Variants in STK3 observed in about 807,000 individuals in gnomAD.
The protein encoded by STK3 is serine/threonine-protein kinase 3.
Under a neutral mutation model 58.0 loss-of-function variants are expected in STK3, and 41 were observed. The ratio of observed to expected loss-of-function variants is 0.71; its 90% confidence interval spans 0.55 to 0.92. The LOEUF (loss-of-function observed/expected upper bound fraction) is 0.92. Among genes scored for constraint, STK3 ranks in the 40% least tolerant of loss-of-function variants. STK3 has a pLI of 0.00. For synonymous variants in STK3, 170 were observed against 191.0 expected (o/e 0.89, Z 0.91); for missense variants, 479 against 602.7 (o/e 0.79, Z 2.15).
intron 1 of STK3, among the ~76,000 whole-genome samples, chr8:98,935,718 C>T (rs1840170075): frequency 6.6e-6 from 1 of 152,054 alleles, no homozygotes; most frequent in African/African-American, 2.4e-5. Context: ...TTTGTTCCAA[C>T]AGCTTAAATT....
chr8:98,611,767 T>C (rs1817217397), intron 6 of STK3, among the ~76,000 whole-genome samples: 1 of 152,114 alleles, frequency 6.6e-6, no homozygotes, highest in African/African-American at 2.4e-5. Context: ...GAATCTGGTG[T>C]TGTCTAGGCC....
intron 4 of STK3, among the ~76,000 whole-genome samples, chr8:98,734,643 TCA>T (rs1339336791): frequency 8.5e-5 from 13 of 152,192 alleles, no homozygotes; most frequent in Admixed American, 2.6e-4. Flanking sequence ...AGCTTCAATT[TCA>T]CAGAGTTATG....
At chr8:98,423,853 ACAGT>A (rs1818198821) in intron 3 of STK3, among the ~76,000 whole-genome samples, 1 of 152,170 alleles carries the variant, frequency 6.6e-6, no homozygotes, top group South Asian at 2.1e-4. Context: ...GGCAGAGATA[ACAGT>A]CGGCCAGGTG....
intron 10 of STK3, among the ~76,000 whole-genome samples, chr8:98,483,312 A>G (rs995818543): frequency 6.6e-6 from 1 of 152,244 alleles, no homozygotes; most frequent in Non-Finnish European, 1.5e-5. Flanking sequence ...ATTTTGGATT[A>G]GTGATGTCAC....
chr8:98,406,272 TTTATTTTATTTTATTTTATG>T (rs1563594140), intron 3 of STK3, among the ~76,000 whole-genome samples: 3 of 104,706 alleles, frequency 2.9e-5, no homozygotes, highest in South Asian at 2.9e-4. Flanking sequence ...TTTATTTTAT[TTTATTTTATTTTATTTTATG>T]TTATTTATTT....
chr8:98,828,437 C>CAAAAAAAAAAAAAAA (rs367737626), upstream of STK3, among the ~76,000 whole-genome samples: 4 of 48,586 alleles, frequency 8.2e-5, no homozygotes, highest in Non-Finnish European at 1.1e-4. Flanking sequence ...CCCATCTCTA[C>CAAAAAAAAAAAAAAA]AAAAAAAAAA....
In STK3 at chr8:98,800,099, G is replaced by A. The variant is rs960388345; in HGVS notation, c.27-25280C>T. Among the ~76,000 whole-genome samples the A allele has an allele frequency of 2.0e-5, 3 of 152,120 alleles. No homozygotes were observed. The highest frequency in any genetic ancestry group is 6.5e-5 in the Admixed American group (1 of 15,270). Reference sequence around the variant, plus strand: ...GCAACATGGCTTCTCCCCTTTCTAGGTCCCGTGGCAGCCATCTTGCCGCTA... The same window carrying A: ...GCAACATGGCTTCTCCCCTTTCTAGATCCCGTGGCAGCCATCTTGCCGCTA... On this transcript the variant is annotated intron_variant, in intron 1 of 10. Transcript: ENST00000419617. The surrounding 1 kb of genome is among the most constrained non-coding windows in gnomAD (Gnocchi z 4.8).
At chr8:98,400,320 A>G (rs1817930649), downstream of STK3, among the ~76,000 whole-genome samples, 1 of 152,228 alleles carries the variant, frequency 6.6e-6, no homozygotes, top group Admixed American at 6.5e-5. Context: ...AGAGCAAGGC[A>G]ACAGATTCCC....
At chr8:98,794,085 C>G (rs891807118) in intron 1 of STK3, among the ~76,000 whole-genome samples, 1 of 151,984 alleles carries the variant, frequency 6.6e-6, no homozygotes, top group African/African-American at 2.4e-5. Flanking sequence ...CTCAAAAAAT[C>G]AGAAAAATCT....
chr8:98,611,229 C>CA (rs1817168387), intron 6 of STK3, among the ~76,000 whole-genome samples: 1 of 151,436 alleles, frequency 6.6e-6, no homozygotes, highest in African/African-American at 2.4e-5. Context: ...ATCAATTTCA[C>CA]AAAAATCTAT....
intron 1 of STK3, among the ~76,000 whole-genome samples, chr8:98,440,836 C>T (rs767352110): frequency 1.3e-5 from 2 of 152,134 alleles, no homozygotes; most frequent in Admixed American, 6.5e-5. Context: ...CATGAGGAAT[C>T]GGAAGCACAG....
At chr8:98,501,307 C>CTT (rs1823576283) in intron 10 of STK3, among the ~76,000 whole-genome samples, 1 of 151,920 alleles carries the variant, frequency 6.6e-6, no homozygotes, top group African/African-American at 2.4e-5. Context: ...GGTATCAGCC[C>CTT]TTTGTCAGAT....
intron 3 of STK3, among the ~76,000 whole-genome samples, chr8:98,854,510 T>C (rs1416087324): frequency 6.6e-5 from 10 of 152,084 alleles, no homozygotes; most frequent in Admixed American, 6.6e-4. Flanking sequence ...AAATTACAGT[T>C]AACAAATGAA....
chr8:98,827,684 T>C (rs1435625582), upstream of STK3, among the ~76,000 whole-genome samples: 4 of 152,132 alleles, frequency 2.6e-5, no homozygotes, highest in Non-Finnish European at 5.9e-5. Context: ...TGAGACAGGT[T>C]CTCACTGTTC....
Position 98,651,998 on chromosome 8 carries a change from C to T in STK3, c.684+54469G>A, listed in dbSNP as rs1587163697. On this transcript the variant is annotated intron_variant, in intron 6 of 10. Coordinates refer to ENST00000419617, the MANE Select transcript of STK3 (RefSeq NM_006281.4). ...TACAGAGAACGCCACAAAGATACTCCTCGAGAAGAGCAACTCCAAGACACA... is the reference window on the plus strand; with the variant it reads ...TACAGAGAACGCCACAAAGATACTCTTCGAGAAGAGCAACTCCAAGACACA... Among the ~76,000 whole-genome samples the T allele has an allele frequency of 2.0e-5, 3 of 152,020 alleles. No homozygotes were observed. The South Asian group carries it at 6.2e-4, about 32-fold the overall frequency.
At chr8:98,690,585 T>C (rs779619539) in intron 6 of STK3, among the ~76,000 whole-genome samples, 1 of 152,022 alleles carries the variant, frequency 6.6e-6, no homozygotes, top group Non-Finnish European at 1.5e-5. Flanking sequence ...CGTTCCCAGG[T>C]TGGAAGAATC....
At position 98,904,040 on chromosome 8, in the gene STK3, T is replaced by C. The variant is rs1435943918; in HGVS notation, c.-78-20206A>G. On this transcript the variant is annotated intron_variant, in intron 1 of 1. Coordinates refer to the STK3 transcript ENST00000519420. ...GAAATGTTTATTTGTCAAAAAATTA[T>C]TTAAAAATGGGAGGAGTGGAGTAAA... Among the ~76,000 whole-genome samples the C allele has an allele frequency of 7.2e-5, 11 of 152,212 alleles. No homozygotes were observed. In the East Asian group the frequency reaches 7.7e-4, roughly 11 times the overall value.
In STK3 at chr8:98,377,090, C is replaced by T. The variant is rs527660559; in HGVS notation, n.111+2063G>A. Among the ~76,000 whole-genome samples, 11 of 152,282 alleles carry T rather than the reference C, an allele frequency of 7.2e-5. No individual in the cohort carries two copies. The South Asian group carries it at 2.3e-3, about 32-fold the overall frequency. On this transcript the variant is annotated intron_variant and non_coding_transcript_variant, in intron 2 of 2. Transcript: ENST00000518704. ...CTCTTCTTCCAGATATCTGCTAATG[C>T]TGTCATTTTAGACATCAACTTCTCA...
chr8:98,623,451 TAAGAAG>T (rs939234110), intron 6 of STK3, among the ~76,000 whole-genome samples: 1 of 152,140 alleles, frequency 6.6e-6, no homozygotes, highest in Non-Finnish European at 1.5e-5. Context: ...TGTGTCCTTA[TAAGAAG>T]AAGAAGAGAC....
Sources: allele counts gnomAD v4.1 joint callset (sites outside exome capture counted in the v4.1 genomes callset), GRCh38; gene constraint gnomAD v4.1.1; non-coding constraint Gnocchi (gnomAD v3.1); transcripts MANE v1.5; gene names NCBI Gene and HGNC (gene_info 2026-07-23, HGNC 2026-07-21).